Variants in SLC2A9 observed in about 807,000 individuals in gnomAD.
SLC2A9 encodes solute carrier family 2, facilitated glucose transporter member 9.
SLC2A9 carries 39 observed loss-of-function variants against 50.6 expected under a neutral mutation model. The observed-to-expected ratio is 0.77, with a 90% CI of 0.60 to 1.01. The LOEUF is 1.01. Among genes scored for constraint, SLC2A9 ranks in the 50% least tolerant of loss-of-function variants. The pLI, the probability that SLC2A9 is intolerant of heterozygous loss-of-function variation, is 0.00. For missense variants in SLC2A9, 686 were observed against 677.6 expected (o/e 1.01, Z -0.14); for synonymous variants, 324 against 276.9 (o/e 1.17, Z -1.69).
chr4:10,026,618 T>C (rs1261371612), intron 1 of SLC2A9, among the ~76,000 whole-genome samples: 1 of 152,188 alleles, frequency 6.6e-6, no homozygotes, highest in Non-Finnish European at 1.5e-5. Context: ...CCAAGTGTCC[T>C]CCAATGAATG....
intron 3 of SLC2A9, among the ~76,000 whole-genome samples, chr4:9,809,519 G>A (rs1471447032): frequency 6.6e-6 from 1 of 152,170 alleles, no homozygotes; most frequent in African/African-American, 2.4e-5. Flanking sequence ...GGGCACAAGA[G>A]GAAGAATCGT....
intron 6 of SLC2A9, 93 bp from the exon 7 acceptor site, chr4:9,920,665 G>T: frequency 6.9e-7 from 1 of 1,451,624 alleles, no homozygotes; most frequent in Non-Finnish European, 9.6e-7. Flanking sequence ...CCACCTCCTA[G>T]CCACACACCT....
downstream of SLC2A9, among the ~76,000 whole-genome samples, chr4:9,778,380 A>G (rs1383677143): frequency 6.6e-6 from 1 of 152,038 alleles, no homozygotes; most frequent in Non-Finnish European, 1.5e-5. Flanking sequence ...TCAGCCTCCC[A>G]AAGTACTGGG....
At chr4:9,784,507 T>C (rs143276737) in intron 3 of SLC2A9, among the ~76,000 whole-genome samples, 4 of 152,352 alleles carry the variant, frequency 2.6e-5, no homozygotes, top group African/African-American at 9.6e-5. Flanking sequence ...AGAAACTCTA[T>C]TTTTAAATAG....
chr4:9,900,033 T>C (rs1233158358), intron 8 of SLC2A9, among the ~76,000 whole-genome samples: 2 of 152,164 alleles, frequency 1.3e-5, no homozygotes, highest in African/African-American at 4.8e-5. Flanking sequence ...GATACATTCA[T>C]ATTGTTCTTG....
chr4:9,904,028 A>G (rs889387683), intron 8 of SLC2A9, among the ~76,000 whole-genome samples: 3 of 150,804 alleles, frequency 2.0e-5, no homozygotes, highest in African/African-American at 4.9e-5. Context: ...TTATATATAC[A>G]TAACTTTGGA....
chr4:9,993,202 G>A (rs530935091), intron 3 of SLC2A9, among the ~76,000 whole-genome samples: 1 of 152,208 alleles, frequency 6.6e-6, no homozygotes, highest in Non-Finnish European at 1.5e-5. Context: ...AGATTTCAAA[G>A]CCCATGTGTG....
chr4:9,940,132 T>TCCCA (rs1747851647), intron 6 of SLC2A9, among the ~76,000 whole-genome samples: 1 of 152,172 alleles, frequency 6.6e-6, no homozygotes, highest in Non-Finnish European at 1.5e-5. Flanking sequence ...CGGGTTACCC[T>TCCCA]CCCAGGCTAG....
chr4:9,908,411 C>T (rs1741086818), intron 7 of SLC2A9, 66 bp from the exon 8 acceptor site: 1 of 1,184,768 alleles, frequency 8.4e-7, no homozygotes. Flanking sequence ...TTTTCTAAAT[C>T]AAATTTGGGT....
chr4:9,941,400 T>A (rs1035573926), intron 6 of SLC2A9, among the ~76,000 whole-genome samples: 2 of 152,196 alleles, frequency 1.3e-5, no homozygotes, highest in African/African-American at 2.4e-5. Flanking sequence ...CGAAGGACTG[T>A]TGGCAAGGTC....
intron 10 of SLC2A9, among the ~76,000 whole-genome samples, chr4:9,860,077 G>A (rs1731366645): frequency 6.6e-6 from 1 of 152,150 alleles, no homozygotes; most frequent in African/African-American, 2.4e-5. Context: ...ACAGCAGAGG[G>A]AGTGAGAACA....
In SLC2A9 at chr4:9,931,952, CTCTCTCTCTCTATATA is replaced by C. The variant is rs1245661241; in HGVS notation, c.814+9945_814+9960del. The stretch of plus-strand genomic sequence containing the variant: ...TCTCTCTCTCTCTCTCTCTCTCTCT[CTCTCTCTCTCTATATA>C]TATATATATATATATATATATATAT... On this transcript the variant is annotated intron_variant, in intron 6 of 11. Transcript: ENST00000264784. Among the ~76,000 whole-genome samples the C allele has an allele frequency of 2.7e-3, 153 of 57,228 alleles. 5 individuals carry two copies. The highest frequency in any genetic ancestry group is 7.0e-3 in the Middle Eastern group (1 of 142). The allele number at this position is 57,228 out of a possible 152,430, so 37.5% of individuals were successfully genotyped here.
intron 5 of SLC2A9, among the ~76,000 whole-genome samples, chr4:9,971,082 A>G (rs1021421596): frequency 6.6e-6 from 1 of 152,196 alleles, no homozygotes; most frequent in African/African-American, 2.4e-5. Flanking sequence ...TTGTGCACTC[A>G]GGGAGCTCGG....
intron 2 of SLC2A9, among the ~76,000 whole-genome samples, chr4:10,010,781 C>T (rs1761635821): frequency 6.6e-6 from 1 of 152,240 alleles, no homozygotes; most frequent in African/African-American, 2.4e-5. Flanking sequence ...TCCCGCCCAC[C>T]TCACCTTCTG....
intron 3 of SLC2A9, among the ~76,000 whole-genome samples, chr4:9,802,360 A>G (rs1242438642): frequency 1.3e-5 from 2 of 151,822 alleles, no homozygotes; most frequent in East Asian, 3.9e-4. Context: ...GGAAAATACA[A>G]TGTTGGGTCT....
At chr4:9,840,693 C>A (rs936767371) in intron 10 of SLC2A9, among the ~76,000 whole-genome samples, 1 of 152,142 alleles carries the variant, frequency 6.6e-6, no homozygotes, top group Non-Finnish European at 1.5e-5. Flanking sequence ...ACCTAGAACC[C>A]TGAGGAAATT....
chr4:10,017,402 A>G (rs1454323708), intron 2 of SLC2A9, among the ~76,000 whole-genome samples: 1 of 152,198 alleles, frequency 6.6e-6, no homozygotes, highest in East Asian at 1.9e-4. Flanking sequence ...CCAGATCCCC[A>G]TCTTGGAATG....
intron 5 of SLC2A9, among the ~76,000 whole-genome samples, chr4:9,955,938 T>A (rs911004386): frequency 2.3e-5 from 3 of 132,164 alleles, no homozygotes; most frequent in Non-Finnish European, 4.6e-5. Context: ...AGTGTAGTGG[T>A]GCAAACTTGG....
At chr4:9,872,036 G>C (rs1423421480) in intron 10 of SLC2A9, among the ~76,000 whole-genome samples, 1 of 152,206 alleles carries the variant, frequency 6.6e-6, no homozygotes, top group East Asian at 1.9e-4. Flanking sequence ...CTCCTCAGCA[G>C]AACCTGGATG....
Sources: gnomAD v4.1 joint callset for allele counts (sites outside exome capture counted in the v4.1 genomes callset) on GRCh38, gnomAD v4.1.1 for gene constraint, MANE v1.5 for transcripts, NCBI Gene and HGNC (gene_info 2026-07-23, HGNC 2026-07-21) for gene names.